PCDHGA7: variants seen among roughly 807,000 people sequenced by gnomAD.
PCDHGA7 encodes protocadherin gamma subfamily A, 7, also known as protocadherin gamma-A7.
PCDHGA7 carries 44 observed loss-of-function variants against 58.3 expected under a neutral mutation model. The observed-to-expected ratio is 0.75, with a 90% confidence interval of 0.59 to 0.97. The LOEUF is 0.97. PCDHGA7 is among the 50% of genes least tolerant of loss of function. The pLI is 0.00. For synonymous variants in PCDHGA7, 516 were observed against 504.2 expected (o/e 1.02, Z -0.31); for missense variants, 1,266 against 1,188.7 (o/e 1.06, Z -0.96).
chr5:141,404,047 A>G, intron 1 of PCDHGA7: 1 of 1,613,860 alleles, frequency 6.2e-7, no homozygotes, highest in Non-Finnish European at 8.5e-7. Context: ...AGGGAACAGT[A>G]ATTCTTCTTT....
At chr5:141,403,614 G>A (rs772617526) in intron 1 of PCDHGA7, 4 of 1,613,750 alleles carry the variant, frequency 2.5e-6, no homozygotes, top group Non-Finnish European at 3.4e-6. Flanking sequence ...GGCGAGCCGC[G>A]TCGCTCCAGC....
chr5:141,497,736 G>A (rs1437670417), intron 2 of PCDHGA7, among the ~76,000 whole-genome samples: 6 of 151,962 alleles, frequency 3.9e-5, no homozygotes, highest in Admixed American at 1.3e-4. Flanking sequence ...GATGGGTTTC[G>A]CCACGTTGGC....
At position 141,487,010 on chromosome 5, in the gene PCDHGA7, GC is replaced by G. The variant is rs2099638172; in HGVS notation, c.2425-7793del. ...TTGGGTTTCCTATCAGCTCCTGGAG[GC>G]CCCAGATCCCAGCCTGTTTGCAGTC... is the stretch of plus-strand genomic sequence containing the variant. On this transcript the variant is annotated intron_variant, in intron 1 of 3. Coordinates refer to ENST00000518325, the MANE Select transcript of PCDHGA7 (RefSeq NM_018920.4). This position sits in a 1 kb window ranked among gnomAD's most constrained non-coding sequence, Gnocchi z 5.0. 6.2e-7 allele frequency: 1 copy of G among 1,614,096 alleles called. No individual in the cohort carries two copies. Among genetic ancestry groups the G allele is most frequent in the Non-Finnish European group, 8.5e-7 (1 of 1,180,056 alleles).
intron 1 of PCDHGA7, chr5:141,408,907 C>T: frequency 6.2e-7 from 1 of 1,613,244 alleles, no homozygotes; most frequent in East Asian, 2.2e-5. Context: ...TCAAGGATAC[C>T]AATGATAACC....
At chr5:141,414,916 C>T in intron 1 of PCDHGA7, 2 of 1,614,194 alleles carry the variant, frequency 1.2e-6, no homozygotes, top group Non-Finnish European at 1.7e-6. Context: ...AGGCGTGGAG[C>T]TGGCGCCCCG....
At chr5:141,408,423 A>G (rs2095103444) in intron 1 of PCDHGA7, 1 of 1,614,078 alleles carries the variant, frequency 6.2e-7, no homozygotes. Flanking sequence ...GAGAAGCTGC[A>G]CTTCAGCGTA....
Position 141,431,151 on chromosome 5 carries a change from C to A in PCDHGA7, c.2424+45828C>A, listed in dbSNP as rs764416448. On this transcript the variant is annotated intron_variant, in intron 1 of 3. Transcript: ENST00000518325. This position sits in a 1 kb window ranked among gnomAD's most constrained non-coding sequence, Gnocchi z 4.8. Reference sequence around the variant, plus strand: ...GTAAGGGACATTAACGACAATGCGCCTTACTTTCGTGAAAGTGAATTAGAA... The same window carrying A: ...GTAAGGGACATTAACGACAATGCGCATTACTTTCGTGAAAGTGAATTAGAA... 7.4e-6 allele frequency: 12 copies of A among 1,614,126 alleles called. No individual in the cohort carries two copies. Among genetic ancestry groups the A allele is most frequent in the Middle Eastern group, 1.6e-4 (1 of 6,084 alleles).
Position 141,500,858 on chromosome 5 carries a change from A to G in PCDHGA7, c.2484-4535A>G, listed in dbSNP as rs1160743056. Among the ~76,000 whole-genome samples the G allele has an allele frequency of 3.3e-5, 5 of 150,740 alleles. No individual in the cohort carries two copies. The South Asian group carries it at 1.0e-3, about 32-fold the overall frequency. ...TAATGGGCTTTTGCTACATTAGAAA[A>G]CATACACATTCATTTACAATTTTTT... On this transcript the variant is annotated intron_variant, in intron 2 of 3. Coordinates refer to ENST00000518325, the MANE Select transcript of PCDHGA7 (RefSeq NM_018920.4).
intron 1 of PCDHGA7, among the ~76,000 whole-genome samples, chr5:141,435,099 TA>T (rs892317840): frequency 2.0e-5 from 3 of 152,260 alleles, no homozygotes; most frequent in African/African-American, 7.2e-5. Context: ...TCTGTTTATC[TA>T]GGGGGGAGAA....
At chr5:141,430,846 C>A in intron 1 of PCDHGA7, 1 of 1,576,344 alleles carries the variant, frequency 6.3e-7, no homozygotes, top group South Asian at 1.2e-5. Context: ...CCGGATGCAC[C>A]CAGATACGCT....
Position 141,476,605 on chromosome 5 carries a change from T to C in PCDHGA7, c.2425-18202T>C, listed in dbSNP as rs1394742940. ...CGCTCGAGAGCGCGCACGATCCCGATGTGGGAAGCAACTCTTTACAAACCT... is the reference window on the plus strand; with the variant it reads ...CGCTCGAGAGCGCGCACGATCCCGACGTGGGAAGCAACTCTTTACAAACCT... On this transcript the variant is annotated intron_variant, in intron 1 of 3. Transcript: ENST00000518325. This position sits in a 1 kb window ranked among gnomAD's most constrained non-coding sequence, Gnocchi z 7.6. 1.9e-6 allele frequency: 3 copies of C among 1,614,066 alleles called. No individual in the cohort carries two copies. In the East Asian group the frequency reaches 6.7e-5, roughly 36 times the overall value.
chr5:141,387,871 G>A (rs1275687057), intron 1 of PCDHGA7: 4 of 1,589,520 alleles, frequency 2.5e-6, no homozygotes, highest in Admixed American at 1.8e-5. Context: ...AGCAAGCTGA[G>A]GAGAGCAAGA....
At chr5:141,473,966 G>A (rs1268822103) in intron 1 of PCDHGA7, among the ~76,000 whole-genome samples, 3 of 152,174 alleles carry the variant, frequency 2.0e-5, no homozygotes, top group Non-Finnish European at 4.4e-5. Context: ...CTACTTAGAA[G>A]TCTGAGGCGG....
rs778209794 is a variant in PCDHGA7 at position 141,408,298 on chromosome 5, G to C, written c.2424+22975G>C. The C allele has an allele frequency of 4.3e-6, 7 of 1,613,586 alleles. No homozygotes were observed. The Admixed American group carries it at 5.0e-5, about 12-fold the overall frequency. ...TGTTCTACCCCACCCTGAGTGAGCCGATCCGCTACTCGATTCCGGAGGAGC... is the reference window on the plus strand; with the variant it reads ...TGTTCTACCCCACCCTGAGTGAGCCCATCCGCTACTCGATTCCGGAGGAGC... On this transcript the variant is annotated intron_variant, in intron 1 of 3. Coordinates refer to ENST00000518325, the MANE Select transcript of PCDHGA7 (RefSeq NM_018920.4).
In PCDHGA7 at chr5:141,384,813, C is replaced by G; in HGVS notation, c.1914C>G (p.Leu638=). The change falls in exon 1 of 4, where the codon CTC becomes CTG. Residue 638 remains leucine, a synonymous_variant. Coordinates refer to ENST00000518325, the MANE Select transcript of PCDHGA7 (RefSeq NM_018920.4). ...GGGCCCTGCTGGACAGAGATGCCCT[C>G]AAGCAGAGCCTCGTGGTGGCCGTCC... ...TARALLDRDA[L]KQSLVVAVQD... is the part of the protein sequence containing the mutation. 6.2e-7 allele frequency: 1 copy of G among 1,613,412 alleles called. No homozygotes were observed.
At chr5:141,484,047 TC>T (rs1351554084) in intron 1 of PCDHGA7, among the ~76,000 whole-genome samples, 1 of 151,912 alleles carries the variant, frequency 6.6e-6, no homozygotes, top group African/African-American at 2.4e-5. Context: ...CTCCAAGAGG[TC>T]CCCTGGGGCT....
At chr5:141,392,249 T>C (rs1474806816) in intron 1 of PCDHGA7, 1 of 152,206 alleles carries the variant, frequency 6.6e-6, no homozygotes, top group Non-Finnish European at 1.5e-5. Context: ...TTTGTTAGTA[T>C]ATATTGGAGA....
chr5:141,491,837 G>A lies in PCDHGA7; in HGVS notation c.2425-2970G>A, dbSNP rs1404051857. The A allele has an allele frequency of 1.4e-6, 2 of 1,472,862 alleles. No individual in the cohort carries two copies. The highest frequency in any genetic ancestry group is 1.8e-6 in the Non-Finnish European group (2 of 1,111,878). The allele number at this position is 1,472,862 out of a possible 1,614,324, so 91.2% of individuals were successfully genotyped here. A position where few individuals can be genotyped will look rare whatever the true frequency, so the allele number is the denominator to read the frequency against. ...TGGCTGCGCTCCACCCGATTCTCGG[G>A]ATCATTGGACCGTTTGCGCGAAACC... On this transcript the variant is annotated intron_variant, in intron 1 of 3. Transcript: ENST00000518325. The surrounding 1 kb of genome is among the most constrained non-coding windows in gnomAD (Gnocchi z 6.9).
In PCDHGA7 at chr5:141,385,052, G is replaced by A. The variant is rs559398944; in HGVS notation, c.2153G>A (p.Arg718His). 1.9e-6 allele frequency: 3 copies of A among 1,614,152 alleles called. No homozygotes were observed. The highest frequency in any genetic ancestry group is 8.5e-7 in the Non-Finnish European group (1 of 1,180,048). The change falls in exon 1 of 4, where the codon CGC becomes CAC. Residue 718 changes from arginine to histidine, a missense_variant. Physicochemically the swap from Arg to His is conservative, Grantham distance 29. Coordinates refer to ENST00000518325, the MANE Select transcript of PCDHGA7 (RefSeq NM_018920.4). ...GTACTGCTGGCGCTCAGGCTGCGGC[G>A]CTGGCACAAGTCACGCCTGCTGCAG... The part of the protein sequence containing the change: ...VLVLLALRLR[R>H]WHKSRLLQAS...
Sources: gnomAD v4.1 joint callset for allele counts (sites outside exome capture counted in the v4.1 genomes callset) on GRCh38, gnomAD v4.1.1 for gene constraint, Gnocchi (gnomAD v3.1) non-coding constraint, MANE v1.5 for transcripts, NCBI Gene and HGNC (gene_info 2026-07-23, HGNC 2026-07-21) for gene names.